The following MTARC1 variants were observed in gnomAD, a reference collection of about 807,000 sequenced individuals.
MTARC1 encodes the protein mitochondrial amidoxime reducing component 1.
In MTARC1, 24 loss-of-function variants were observed where a neutral mutation model predicts 33.6. The observed-to-expected ratio is 0.72, with a 90% CI of 0.52 to 1.01. The LOEUF is 1.01. Among genes scored for constraint, MTARC1 ranks in the 50% least tolerant of loss-of-function variants. The pLI is 0.00. For missense variants in MTARC1, 417 were observed against 445.7 expected, an observed-to-expected ratio of 0.94 and a Z score of 0.58; for synonymous variants, 187 against 189.5, an observed-to-expected ratio of 0.99 and a Z score of 0.11.
chr1:220,793,466 A>T (rs1402038556), intron 2 of MTARC1: 1 of 152,038 alleles, frequency 6.6e-6, no homozygotes. Flanking sequence ...TAGTATACAG[A>T]CTCTTCGAGC....
At chr1:220,813,142 A>C (rs757455002) in intron 6 of MTARC1, 150 bp from the exon 7 acceptor site, 3 of 993,934 alleles carry the variant, frequency 3.0e-6, no homozygotes, top group South Asian at 3.0e-5. Context: ...TCACTGCCCC[A>C]CTCCAGGAGG....
At chr1:220,796,546 T>G (rs767497907) in intron 2 of MTARC1, 97 bp from the exon 3 acceptor site, 5 of 1,354,306 alleles carry the variant, frequency 3.7e-6, no homozygotes, top group Non-Finnish European at 4.9e-6. Flanking sequence ...GACAGTAATG[T>G]TACAGCTAGG....
rs1449956751 is a variant in MTARC1, at chr1:220,819,600, C to T, written c.*6182C>T. 6.6e-6 allele frequency: 1 copy of T among 152,246 alleles called. No homozygotes were observed. Among genetic ancestry groups the T allele is most frequent in the Non-Finnish European group, 1.5e-5 (1 of 68,046 alleles). 9.4% of individuals were successfully genotyped at this position (152,246 alleles called of 1,614,324 possible). A position where few individuals can be genotyped will look rare whatever the true frequency, so the allele number is the denominator to read the frequency against. On this transcript the variant is annotated 3_prime_UTR_variant, in exon 7 of 7. Transcript: ENST00000366910. ...TCTTAGTTCTTAAAGCTATATTCTG[C>T]TCATTATGCTCACAGGGCTTTTGAA... is the stretch of plus-strand genomic sequence containing the variant.
rs993954646 is a variant in MTARC1, at chr1:220,787,229, A to G, written c.275+10A>G. 5 of 1,557,604 alleles carry G rather than the reference A, an allele frequency of 3.2e-6. No individual in the cohort carries two copies. Among genetic ancestry groups the G allele is most frequent in the African/African-American group, 2.7e-5 (2 of 73,198 alleles). On this transcript the variant is annotated intron_variant, in intron 1 of 6. Transcript: ENST00000366910. Reference sequence around the variant, plus strand: ...GCAACCTGCGGGACAGGTACGGCCAAGCGCCGGCGCGGGGCAGCGCTGATC... The same window carrying G: ...GCAACCTGCGGGACAGGTACGGCCAGGCGCCGGCGCGGGGCAGCGCTGATC...
chr1:220,788,182 C>T lies in MTARC1; in HGVS notation c.275+963C>T, dbSNP rs76576252. Among the ~76,000 whole-genome samples, 1,357 of 152,226 alleles carry T rather than the reference C, an allele frequency of 8.9e-3. 10 individuals are homozygous for T. Among genetic ancestry groups the T allele is most frequent in the East Asian group, 0.059 (305 of 5,172 alleles). The stretch of plus-strand genomic sequence containing the variant: ...CACACTGGGGCTTTGTAAAGAGTGA[C>T]TTTGTTAATGTCCTGTCTGGGTTCT... On this transcript the variant is annotated intron_variant, in intron 1 of 6. Transcript: ENST00000366910.
intron 1 of MTARC1, among the ~76,000 whole-genome samples, chr1:220,790,255 A>G (rs988805093): frequency 2.6e-5 from 4 of 152,314 alleles, no homozygotes; most frequent in Non-Finnish European, 5.9e-5. Context: ...AAATAAATAT[A>G]TAAAAGACTG....
At chr1:220,805,619 A>G (rs1448497283) in intron 6 of MTARC1, among the ~76,000 whole-genome samples, 1 of 152,236 alleles carries the variant, frequency 6.6e-6, no homozygotes, top group Non-Finnish European at 1.5e-5. Context: ...GTTGTATAAG[A>G]AATGTCAATA....
intron 1 of MTARC1, among the ~76,000 whole-genome samples, chr1:220,788,929 A>G (rs1672331077): frequency 6.6e-6 from 1 of 152,186 alleles, no homozygotes; most frequent in Non-Finnish European, 1.5e-5. Flanking sequence ...TCATATTACA[A>G]TAGATGACAA....
At chr1:220,797,132 GT>G in intron 3 of MTARC1, among the ~76,000 whole-genome samples, 1 of 152,256 alleles carries the variant, frequency 6.6e-6, no homozygotes, top group Admixed American at 6.5e-5. Flanking sequence ...AATTTTTACA[GT>G]TTGCAGTTGT....
At chr1:220,796,828 T>C (rs757635065) in intron 3 of MTARC1, 23 bp downstream of exon 3, 2 of 1,581,878 alleles carry the variant, frequency 1.3e-6, no homozygotes, top group Non-Finnish European at 1.7e-6. Context: ...GCTGCCTCCA[T>C]GGGTAGAAAG....
chr1:220,815,732 T>A lies in MTARC1; in HGVS notation c.*2314T>A, dbSNP rs998892019. 7 of 152,230 alleles carry A rather than the reference T, an allele frequency of 4.6e-5. No individual in the cohort carries two copies. Among genetic ancestry groups the A allele is most frequent in the African/African-American group, 1.4e-4 (6 of 41,468 alleles). The allele number at this position is 152,230 out of a possible 1,614,324, so 9.4% of individuals were successfully genotyped here. A position where few individuals can be genotyped will look rare whatever the true frequency, so the allele number is the denominator to read the frequency against. ...CATTTGCACACTATTCCACTTGAAA[T>A]ATAGAATCAGGAATGTAGGCCATCC... On this transcript the variant is annotated 3_prime_UTR_variant, in exon 7 of 7. Transcript: ENST00000366910.
rs1447949525 is a variant in MTARC1, at chr1:220,815,747, G to A, written c.*2329G>A. The stretch of plus-strand genomic sequence containing the variant: ...CCACTTGAAATATAGAATCAGGAAT[G>A]TAGGCCATCCCAGACTTTCAGATCT... On this transcript the variant is annotated 3_prime_UTR_variant, in exon 7 of 7. Transcript: ENST00000366910. 2 of 152,254 alleles carry A rather than the reference G, an allele frequency of 1.3e-5. No homozygotes were observed. The highest frequency in any genetic ancestry group is 2.4e-5 in the African/African-American group (1 of 41,466). 9.4% of individuals were successfully genotyped at this position (152,254 alleles called of 1,614,324 possible).
At chr1:220,805,142 G>T in intron 5 of MTARC1, 29 bp downstream of exon 5, 5 of 1,614,048 alleles carry the variant, frequency 3.1e-6, no homozygotes, top group Non-Finnish European at 4.2e-6. Context: ...CCTGTGGGGT[G>T]GAGGTGGGGA....
chr1:220,791,409 A>G (rs1040903003), intron 1 of MTARC1, 82 bp from the exon 2 acceptor site: 1 of 1,467,898 alleles, frequency 6.8e-7, no homozygotes, highest in Non-Finnish European at 9.3e-7. Context: ...CAAAGATGAC[A>G]ACAGTGTCTA....
At chr1:220,790,975 G>A (rs917152300) in intron 1 of MTARC1, 1 of 152,424 alleles carries the variant, frequency 6.6e-6, no homozygotes. Context: ...TAAAAGGTGG[G>A]GGGCTGGAAC....
intron 4 of MTARC1, 117 bp from the exon 5 acceptor site, chr1:220,804,935 G>A: frequency 9.2e-7 from 1 of 1,089,118 alleles, no homozygotes; most frequent in South Asian, 1.3e-5. Context: ...AGAACAGAAG[G>A]CTGCCATCAC....
Position 220,805,285 on chromosome 1 carries a change from G to A in MTARC1, c.887+11G>A, listed in dbSNP as rs1571678326. The stretch of plus-strand genomic sequence containing the variant: ...GGAAACACTGAAGAGGTAGGACTGG[G>A]CAGACGGGGCTCATCCTCGGGTTTA... On this transcript the variant is annotated intron_variant, in intron 6 of 6. Coordinates refer to ENST00000366910, the MANE Select transcript of MTARC1 (RefSeq NM_022746.4). 6.2e-7 allele frequency: 1 copy of A among 1,612,492 alleles called. No individual in the cohort carries two copies.
intron 1 of MTARC1, among the ~76,000 whole-genome samples, chr1:220,790,602 A>T (rs1200372331): frequency 6.6e-6 from 1 of 152,238 alleles, no homozygotes; most frequent in East Asian, 1.9e-4. Context: ...CTCAACCATG[A>T]TAACCTGCTG....
At chr1:220,796,157 T>G (rs1197664728) in intron 2 of MTARC1, among the ~76,000 whole-genome samples, 1 of 152,048 alleles carries the variant, frequency 6.6e-6, no homozygotes, top group Non-Finnish European at 1.5e-5. Context: ...GTTATATATA[T>G]AGTTATTATC....
Sources: gnomAD v4.1 joint callset for allele counts (sites outside exome capture counted in the v4.1 genomes callset) on GRCh38, gnomAD v4.1.1 for gene constraint, MANE v1.5 for transcripts, NCBI Gene and HGNC (gene_info 2026-07-23, HGNC 2026-07-21) for gene names.